BOLA3: variants seen among roughly 807,000 people sequenced by gnomAD.
The protein encoded by BOLA3 is bolA family member 3, also known as bolA-like protein 3.
Under a neutral mutation model 14.5 loss-of-function variants are expected in BOLA3, and 8 were observed. The observed-to-expected ratio is 0.55, with a 90% confidence interval of 0.32 to 0.99. The LOEUF (loss-of-function observed/expected upper bound fraction) is 0.99, where lower values mean the gene tolerates loss of function less well. BOLA3 is among the 50% of genes least tolerant of loss of function. The probability of loss-of-function intolerance (pLI) is 0.04; values close to 1 mark genes in which losing one functional copy is unlikely to be tolerated. For synonymous variants in BOLA3, 42 were observed against 45.7 expected (o/e 0.92, Z 0.33); for missense variants, 115 against 138.2 (o/e 0.83, Z 0.84).
At chr2:74,145,073 C>T in intron 2 of BOLA3, 116 bp downstream of exon 2, 3 of 725,888 alleles carry the variant, frequency 4.1e-6, no homozygotes, top group Admixed American at 2.0e-5. Context: ...AGCAGCAACA[C>T]ATCTTGAGAA....
intron 1 of BOLA3, 139 bp downstream of exon 1, chr2:74,147,682 A>G: frequency 1.3e-6 from 1 of 755,984 alleles, no homozygotes; most frequent in Non-Finnish European, 2.2e-6. Flanking sequence ...TGAATGAGAG[A>G]AAGGAAGAGG....
chr2:74,146,927 G>A (rs567331492), intron 1 of BOLA3: 3 of 152,716 alleles, frequency 2.0e-5, no homozygotes, highest in African/African-American at 7.2e-5. Flanking sequence ...TCCAGAGTGT[G>A]ATTGTCTGCC....
intron 2 of BOLA3, among the ~76,000 whole-genome samples, chr2:74,143,836 G>C (rs1176203346): frequency 6.7e-6 from 1 of 149,774 alleles, no homozygotes; most frequent in African/African-American, 2.5e-5. Flanking sequence ...ACAGGTGCCT[G>C]CTACCATGCC....
chr2:74,142,136 G>T, intron 3 of BOLA3, 136 bp downstream of exon 3: 1 of 703,076 alleles, frequency 1.4e-6, no homozygotes, highest in Non-Finnish European at 2.6e-6. Context: ...TTTTTCTCAG[G>T]TCTTGAGTCC....
At chr2:74,145,995 C>CT (rs111883855) in intron 1 of BOLA3, 3,847 of 139,854 alleles carry the variant, frequency 0.028, 72 homozygotes, top group Middle Eastern at 0.051. Flanking sequence ...TTTGTGTTTC[C>CT]TTTTTTTTTT....
chr2:74,147,573 G>C (rs1692569958), intron 1 of BOLA3: 1 of 564,076 alleles, frequency 1.8e-6, no homozygotes, highest in Non-Finnish European at 3.1e-6. Context: ...CTGTCCGCCT[G>C]ACCTCCAACC....
chr2:74,136,173 C>T (rs2103636357), intron 3 of BOLA3, among the ~76,000 whole-genome samples: 1 of 152,186 alleles, frequency 6.6e-6, no homozygotes, highest in Admixed American at 6.5e-5. Context: ...TGGTCTTGAA[C>T]TCCTGGACTG....
chr2:74,142,581 C>T (rs1692456980), intron 2 of BOLA3, among the ~76,000 whole-genome samples: 1 of 152,150 alleles, frequency 6.6e-6, no homozygotes, highest in African/African-American at 2.4e-5. Flanking sequence ...TTTTGCGAGG[C>T]AGCTGCACCA....
At chr2:74,143,660 C>T (rs1449622673) in intron 2 of BOLA3, among the ~76,000 whole-genome samples, 2 of 152,052 alleles carry the variant, frequency 1.3e-5, no homozygotes, top group Admixed American at 6.6e-5. Context: ...TCCTGCAGAG[C>T]CCTCACCTGA....
chr2:74,145,375 G>A (rs1246782839), intron 1 of BOLA3, 72 bp from the exon 2 acceptor site: 3 of 918,456 alleles, frequency 3.3e-6, no homozygotes, highest in Admixed American at 3.5e-5. Context: ...CACTGTGCAG[G>A]CCCGCCTGCC....
At chr2:74,145,636 A>AC (rs1254483485) in intron 1 of BOLA3, 8 of 361,028 alleles carry the variant, frequency 2.2e-5, no homozygotes, top group African/African-American at 1.7e-4. Context: ...AGGTAAGGAA[A>AC]CTGAGGCACA....
In BOLA3 at chr2:74,135,673, A is replaced by G. The variant is rs1692310924; in HGVS notation, c.259-15T>C. 2 of 1,566,684 alleles carry G rather than the reference A, an allele frequency of 1.3e-6. No homozygotes were observed. Among genetic ancestry groups the G allele is most frequent in the South Asian group, 1.1e-5 (1 of 89,974 alleles). On this transcript the variant is annotated splice_polypyrimidine_tract_variant and intron_variant, in intron 3 of 3. Coordinates refer to ENST00000327428, the MANE Select transcript of BOLA3 (RefSeq NM_212552.3). The stretch of plus-strand genomic sequence containing the variant: ...TCTTTTAGTGCCTAAGTAAGAAAAC[A>G]GCATCATCAGTTTTTGTGTATTTGA...
intron 3 of BOLA3, among the ~76,000 whole-genome samples, chr2:74,136,427 G>A (rs1306866734): frequency 3.9e-5 from 6 of 152,104 alleles, no homozygotes; most frequent in Admixed American, 1.3e-4. Flanking sequence ...ATATAAATTC[G>A]TAAACTTTCA....
intron 1 of BOLA3, chr2:74,145,640 A>C (rs1484394776): frequency 2.8e-6 from 1 of 360,028 alleles, no homozygotes; most frequent in African/African-American, 2.1e-5. Flanking sequence ...AAGGAAACTG[A>C]GGCACACAGT....
chr2:74,143,789 C>A (rs898398815), intron 2 of BOLA3, among the ~76,000 whole-genome samples: 1 of 151,618 alleles, frequency 6.6e-6, no homozygotes, highest in African/African-American at 2.4e-5. Flanking sequence ...CAGGTTCAAG[C>A]GATTCTCCTG....
Position 74,135,433 on chromosome 2 carries a change from T to A in BOLA3, c.*160A>T. The A allele has an allele frequency of 1.7e-6, 2 of 1,207,750 alleles. No individual in the cohort carries two copies. The highest frequency in any genetic ancestry group is 2.4e-6 in the Non-Finnish European group (2 of 831,516). 74.8% of individuals were successfully genotyped at this position (1,207,750 alleles called of 1,614,324 possible). Reference sequence around the variant, plus strand: ...CAAAAGCTTCAGTTGTTTGTTTCCTTTAATTAACATCTAAATAGATTATAC... The same window carrying A: ...CAAAAGCTTCAGTTGTTTGTTTCCTATAATTAACATCTAAATAGATTATAC... On this transcript the variant is annotated 3_prime_UTR_variant, in exon 4 of 4. Coordinates refer to ENST00000327428, the MANE Select transcript of BOLA3 (RefSeq NM_212552.3).
intron 3 of BOLA3, among the ~76,000 whole-genome samples, chr2:74,140,648 CTG>C (rs1191868825): frequency 1.3e-5 from 2 of 152,246 alleles, no homozygotes; most frequent in Non-Finnish European, 2.9e-5. Flanking sequence ...CTCCCCCAAA[CTG>C]TGGGAATCAC....
chr2:74,136,363 C>T (rs1173646684), intron 3 of BOLA3, among the ~76,000 whole-genome samples: 1 of 152,226 alleles, frequency 6.6e-6, no homozygotes, highest in African/African-American at 2.4e-5. Flanking sequence ...ATTTCAAACA[C>T]ATTACACCAA....
At chr2:74,136,473 A>G (rs1044618573) in intron 3 of BOLA3, among the ~76,000 whole-genome samples, 2 of 152,172 alleles carry the variant, frequency 1.3e-5, no homozygotes, top group Non-Finnish European at 2.9e-5. Context: ...AATTTTTTTT[A>G]AAGCTCATCA....
Sources: gnomAD v4.1 joint callset for allele counts (sites outside exome capture counted in the v4.1 genomes callset) on GRCh38, gnomAD v4.1.1 for gene constraint, MANE v1.5 for transcripts, NCBI Gene and HGNC (gene_info 2026-07-23, HGNC 2026-07-21) for gene names.